The following ENOPH1 variants were observed in gnomAD, a reference collection of about 807,000 sequenced individuals.
ENOPH1 encodes enolase-phosphatase E1.
A neutral mutation model predicts 31.1 loss-of-function variants in ENOPH1; 14 were observed. The ratio of observed to expected loss-of-function variants is 0.45; its 90% CI spans 0.30 to 0.70. The LOEUF (loss-of-function observed/expected upper bound fraction) is 0.70, where lower values mean the gene tolerates loss of function less well. Among genes scored for constraint, ENOPH1 ranks in the 30% least tolerant of loss-of-function variants. The pLI, the probability that ENOPH1 is intolerant of heterozygous loss-of-function variation, is 0.09. For synonymous variants in ENOPH1, 127 were observed against 123.2 expected (o/e 1.03, Z -0.21); for missense variants, 243 against 321.5 (o/e 0.76, Z 1.87).
chr4:82,444,602 G>C (rs13108205), intron 1 of ENOPH1, among the ~76,000 whole-genome samples: 9,313 of 152,166 alleles, frequency 0.061, 317 homozygotes, highest in Admixed American at 0.086. Flanking sequence ...ACATTTACAA[G>C]GCAACTTTTT....
At position 82,447,928 on chromosome 4, in the gene ENOPH1, A is replaced by G. The variant is rs1488817663; in HGVS notation, c.93A>G (p.Leu31=). 5 of 1,601,416 alleles carry G rather than the reference A, an allele frequency of 3.1e-6. 1 individual carries two copies. Among genetic ancestry groups the G allele is most frequent in the South Asian group, 1.1e-5 (1 of 89,214 alleles). ...TTTACTCTTTTATCCAGGACATTTT[A>G]TTTCCTTACATCGAAGAAAATGTTA... is the stretch of plus-strand genomic sequence containing the variant. ...TTPIAFVKDI[L]FPYIEENVKE... Residue 31 remains leucine (L), a synonymous_variant, in exon 2 of 6, where the codon TTA becomes TTG. Coordinates refer to ENST00000273920, the MANE Select transcript of ENOPH1 (RefSeq NM_021204.5).
Position 82,460,223 on chromosome 4 carries a change from A to C in ENOPH1, c.*103A>C. ...TAACTTACTTAAAAAACATATGTACACATATGTATGCAAGTATGTATATAT... is the reference window on the plus strand; with the variant it reads ...TAACTTACTTAAAAAACATATGTACCCATATGTATGCAAGTATGTATATAT... On this transcript the variant is annotated 3_prime_UTR_variant, in exon 6 of 6. Transcript: ENST00000273920. 1 of 1,193,240 alleles carries C rather than the reference A, an allele frequency of 8.4e-7. No homozygotes were observed. Among genetic ancestry groups the C allele is most frequent in the Non-Finnish European group, 1.2e-6 (1 of 825,778 alleles). 73.9% of individuals were successfully genotyped at this position (1,193,240 alleles called of 1,614,324 possible).
Position 82,451,036 on chromosome 4 carries a change from C to T in ENOPH1, c.187-7C>T. The T allele has an allele frequency of 6.2e-7, 1 of 1,611,728 alleles. No individual in the cohort carries two copies. The stretch of plus-strand genomic sequence containing the variant: ...AAAACAAACATCATGTTGTTTCTGA[C>T]TTAAAGGCTGAAGAGGACGCCCACC... On this transcript the variant is annotated splice_polypyrimidine_tract_variant and splice_region_variant and intron_variant, in intron 2 of 5. Transcript: ENST00000273920.
chr4:82,452,981 A>C lies in ENOPH1; in HGVS notation c.389+1736A>C, dbSNP rs552452486. 3.4e-5 allele frequency among the ~76,000 whole-genome samples: 5 copies of C among 146,896 alleles called. No individual in the cohort carries two copies. The East Asian group carries it at 1.0e-3, about 29-fold the overall frequency. On this transcript the variant is annotated intron_variant, in intron 3 of 5. Coordinates refer to ENST00000273920, the MANE Select transcript of ENOPH1 (RefSeq NM_021204.5). Reference sequence around the variant, plus strand: ...CAGTGGCGTGATCTCAGCTCGCTGCAAGCTCCGCCTCCTGGGTTCACGCCA... The same window carrying C: ...CAGTGGCGTGATCTCAGCTCGCTGCCAGCTCCGCCTCCTGGGTTCACGCCA...
At chr4:82,457,642 C>G (rs1722526043) in intron 5 of ENOPH1, among the ~76,000 whole-genome samples, 1 of 152,174 alleles carries the variant, frequency 6.6e-6, no homozygotes, top group Non-Finnish European at 1.5e-5. Context: ...CACTATGACA[C>G]AGGAAATTAA....
intron 1 of ENOPH1, among the ~76,000 whole-genome samples, chr4:82,440,770 A>G (rs1722018807): frequency 6.6e-6 from 1 of 152,020 alleles, no homozygotes; most frequent in African/African-American, 2.4e-5. Context: ...TTATAATTTA[A>G]TCTCCTTAAT....
rs141177576 is a variant in ENOPH1 at position 82,437,652 on chromosome 4, G to A, written c.84+6739G>A. Among the ~76,000 whole-genome samples the A allele has an allele frequency of 9.6e-3, 1,459 of 152,214 alleles. 27 individuals carry two copies. Among genetic ancestry groups the A allele is most frequent in the African/African-American group, 0.033 (1,386 of 41,518 alleles). On this transcript the variant is annotated intron_variant, in intron 1 of 5. Coordinates refer to ENST00000273920, the MANE Select transcript of ENOPH1 (RefSeq NM_021204.5). ...AGGAATTTCAAAGTCCTTTCTCTTC[G>A]TCCTCTGAACTCATTGTCAGTACCA...
At chr4:82,447,484 A>C (rs149531245) in intron 1 of ENOPH1, among the ~76,000 whole-genome samples, 2 of 152,324 alleles carry the variant, frequency 1.3e-5, no homozygotes, top group East Asian at 3.9e-4. Context: ...TTTAATCCAT[A>C]TCCTCAAGGA....
At chr4:82,437,066 T>C (rs557202460) in intron 1 of ENOPH1, among the ~76,000 whole-genome samples, 22 of 151,322 alleles carry the variant, frequency 1.5e-4, no homozygotes, top group Non-Finnish European at 2.5e-4. Flanking sequence ...CTGGGCAACA[T>C]AGCAAGACCC....
chr4:82,455,885 G>A (rs1326984868), intron 4 of ENOPH1, among the ~76,000 whole-genome samples: 1 of 152,132 alleles, frequency 6.6e-6, no homozygotes, highest in African/African-American at 2.4e-5. Context: ...GGCCAGACAA[G>A]TTTTTAAAAT....
chr4:82,441,479 G>A (rs987147253), intron 1 of ENOPH1, among the ~76,000 whole-genome samples: 7 of 152,018 alleles, frequency 4.6e-5, no homozygotes, highest in East Asian at 1.9e-4. Context: ...AAAATTGGCC[G>A]GGTGTGGTGG....
At chr4:82,449,776 C>G (rs1722299246) in intron 2 of ENOPH1, among the ~76,000 whole-genome samples, 1 of 152,148 alleles carries the variant, frequency 6.6e-6, no homozygotes, top group African/African-American at 2.4e-5. Context: ...TTACTGCAAG[C>G]CCCTGCTGCC....
At chr4:82,447,619 T>G (rs1325670164) in intron 1 of ENOPH1, among the ~76,000 whole-genome samples, 2 of 152,262 alleles carry the variant, frequency 1.3e-5, no homozygotes. Context: ...GCCATTGTGA[T>G]GCAAAAGTAG....
chr4:82,448,370 C>T (rs1171758077), intron 2 of ENOPH1, among the ~76,000 whole-genome samples: 1 of 151,502 alleles, frequency 6.6e-6, no homozygotes, highest in Non-Finnish European at 1.5e-5. Flanking sequence ...AGGCGATTCT[C>T]CTGCCTCAGC....
At chr4:82,438,129 A>G (rs1486509220) in intron 1 of ENOPH1, among the ~76,000 whole-genome samples, 1 of 152,202 alleles carries the variant, frequency 6.6e-6, no homozygotes, top group African/African-American at 2.4e-5. Flanking sequence ...CTGTTAATGT[A>G]AGACTAGAGG....
intron 1 of ENOPH1, among the ~76,000 whole-genome samples, chr4:82,444,939 T>A (rs1722141262): frequency 6.6e-6 from 1 of 152,208 alleles, no homozygotes; most frequent in Non-Finnish European, 1.5e-5. Context: ...TTATTGTCAA[T>A]GGGTACTGTG....
intron 1 of ENOPH1, among the ~76,000 whole-genome samples, chr4:82,441,777 AAACAACAAC>A (rs550702052): frequency 4.7e-5 from 7 of 149,674 alleles, no homozygotes; most frequent in Non-Finnish European, 8.8e-5. Flanking sequence ...GTCTCTACAA[AAACAACAAC>A]AACAACAACA....
At chr4:82,445,429 G>C (rs924116946) in intron 1 of ENOPH1, among the ~76,000 whole-genome samples, 2 of 152,134 alleles carry the variant, frequency 1.3e-5, no homozygotes, top group Non-Finnish European at 2.9e-5. Flanking sequence ...AGTACCGTCT[G>C]CTAACATGTT....
intron 2 of ENOPH1, 87 bp downstream of exon 2, chr4:82,448,108 A>G (rs1438727286): frequency 3.4e-6 from 3 of 872,730 alleles, no homozygotes; most frequent in African/African-American, 3.4e-5. Context: ...ATTTTGTAAA[A>G]TAAGTGCCCT....
Sources: allele counts gnomAD v4.1 joint callset (sites outside exome capture counted in the v4.1 genomes callset), GRCh38; gene constraint gnomAD v4.1.1; transcripts MANE v1.5; gene names NCBI Gene and HGNC (gene_info 2026-07-23, HGNC 2026-07-21).